COL5A2: variants seen among roughly 807,000 people sequenced by gnomAD.
COL5A2 encodes collagen type V alpha 2 chain.
A neutral mutation model predicts 208.2 loss-of-function variants in COL5A2; 23 were observed. That is an observed-to-expected ratio of 0.11 (90% CI 0.08 to 0.16). COL5A2 has a LOEUF of 0.16. COL5A2 is among the 10% of genes least tolerant of loss of function. The pLI is 1.00. For synonymous variants in COL5A2, 625 were observed against 628.5 expected, an observed-to-expected ratio of 0.99 and a Z score of 0.08; for missense variants, 1,590 against 1,956.4, an observed-to-expected ratio of 0.81 and a Z score of 3.53.
In COL5A2 at chr2:189,088,754, C is replaced by A. The variant is rs142855115; in HGVS notation, c.586G>T (p.Ala196Ser). 2 of 1,613,856 alleles carry A rather than the reference C, an allele frequency of 1.2e-6. No homozygotes were observed. Among genetic ancestry groups the A allele is most frequent in the African/African-American group, 2.7e-5 (2 of 74,912 alleles). Residue 196 changes from alanine to serine, a missense_variant, in exon 8 of 54, where the codon GCT becomes TCT. Transcript: ENST00000374866. ...GLSRPFSAQM[A>S]GLDEKSGLGS... The stretch of plus-strand genomic sequence containing the variant: ...AGTCCAGATTTTTCATCCAACCCAG[C>A]CATTTGAGCTGAAAACGGCTGTAAA...
intron 1 of COL5A2, among the ~76,000 whole-genome samples, chr2:189,185,867 T>G (rs768720340): frequency 2.6e-5 from 4 of 152,128 alleles, no homozygotes; most frequent in Non-Finnish European, 5.9e-5. Flanking sequence ...GATTCCAAGG[T>G]GTCAATCCCG....
At chr2:189,305,236 C>T in the COL5A2 span, among the ~76,000 whole-genome samples, 5,623 of 152,300 alleles carry the variant, frequency 0.037, 119 homozygotes, top group Admixed American at 0.05. Flanking sequence ...GTAGGAAATG[C>T]GTGGGCCCAA....
chr2:189,100,053 T>C (rs1378258939), intron 4 of COL5A2, 54 bp downstream of exon 4: 1 of 1,421,504 alleles, frequency 7.0e-7, no homozygotes, highest in African/African-American at 1.4e-5. Context: ...ACAATTATAC[T>C]ATAAGCTAAG....
rs777299355 is a variant in COL5A2 at position 189,052,162 on chromosome 2, G to A, written c.2769+10C>T. ...CATTATCAGTGACTTGTCTCACTAA[G>A]TTGACTTACAGCAGGGCCTGGAGGT... On this transcript the variant is annotated intron_variant, in intron 41 of 53. Coordinates refer to ENST00000374866, the MANE Select transcript of COL5A2 (RefSeq NM_000393.5). The A allele has an allele frequency of 1.9e-6, 3 of 1,612,686 alleles. No homozygotes were observed. Among genetic ancestry groups the A allele is most frequent in the South Asian group, 2.2e-5 (2 of 91,000 alleles).
chr2:189,215,610 A>G (rs1430084498), intron 1 of COL5A2, among the ~76,000 whole-genome samples: 1 of 152,054 alleles, frequency 6.6e-6, no homozygotes, highest in African/African-American at 2.4e-5. Context: ...TGCATTTGAT[A>G]TCTCACATTA....
At chr2:189,381,179 A>T in the COL5A2 span, among the ~76,000 whole-genome samples, 1 of 152,102 alleles carries the variant, frequency 6.6e-6, no homozygotes, top group South Asian at 2.1e-4. Context: ...AGCAGAAATC[A>T]GTCAATAGGG....
the COL5A2 span, among the ~76,000 whole-genome samples, chr2:189,254,652 C>T: frequency 6.6e-6 from 1 of 152,186 alleles, no homozygotes; most frequent in South Asian, 2.1e-4. Context: ...TGACTGCAGC[C>T]ACTCCAGGCC....
intron 7 of COL5A2, 100 bp downstream of exon 7, chr2:189,092,210 A>G (rs1287810870): frequency 2.5e-6 from 2 of 789,730 alleles, no homozygotes; most frequent in East Asian, 5.3e-5. Flanking sequence ...TCTTACAGTC[A>G]AGTGTCAATA....
upstream of COL5A2, among the ~76,000 whole-genome samples, chr2:189,184,229 T>C (rs1445347278): frequency 3.3e-5 from 5 of 151,578 alleles, no homozygotes; most frequent in Non-Finnish European, 2.9e-5. Context: ...TTGGGAAAGA[T>C]GGCATTTTAA....
chr2:189,068,958 T>C, intron 18 of COL5A2, 74 bp from the exon 19 acceptor site: 1 of 1,092,344 alleles, frequency 9.2e-7, no homozygotes, highest in Admixed American at 1.9e-5. Flanking sequence ...GACCGCTTAT[T>C]TGGAATTTTA....
intron 17 of COL5A2, among the ~76,000 whole-genome samples, chr2:189,074,451 A>G (rs937906359): frequency 6.6e-6 from 1 of 152,110 alleles, no homozygotes; most frequent in Non-Finnish European, 1.5e-5. Flanking sequence ...CAATGTACAA[A>G]ATATTGGTAC....
At chr2:189,155,916 C>A (rs1232337344) in intron 1 of COL5A2, among the ~76,000 whole-genome samples, 3 of 152,140 alleles carry the variant, frequency 2.0e-5, no homozygotes, top group African/African-American at 7.2e-5. Flanking sequence ...AGGCCAACTA[C>A]ATTCCTTTAC....
intron 3 of COL5A2, among the ~76,000 whole-genome samples, chr2:189,102,865 C>A (rs897686241): frequency 6.6e-6 from 1 of 151,972 alleles, no homozygotes. Context: ...TCTGATGATA[C>A]CTGATGACAA....
chr2:189,061,755 A>G (rs932619993), intron 29 of COL5A2, 140 bp from the exon 30 acceptor site: 1 of 687,694 alleles, frequency 1.5e-6, no homozygotes, highest in African/African-American at 1.8e-5. Flanking sequence ...GTAATAAACT[A>G]GTATTAATAG....
chr2:189,409,202 CTCTTTTTTTTTTTTT>C, the COL5A2 span, among the ~76,000 whole-genome samples: 1 of 89,782 alleles, frequency 1.1e-5, no homozygotes. Context: ...TATAAATTTA[CTCTTTTTTTTTTTTT>C]TTTTTTTTTT....
At chr2:189,374,932 T>C in the COL5A2 span, among the ~76,000 whole-genome samples, 3,851 of 152,178 alleles carry the variant, frequency 0.025, 177 homozygotes, top group African/African-American at 0.088. Context: ...ACAGGAAATA[T>C]GACCATATAG....
the COL5A2 span, among the ~76,000 whole-genome samples, chr2:189,321,947 T>C: frequency 2.7e-3 from 415 of 152,244 alleles, no homozygotes; most frequent in African/African-American, 9.4e-3. Context: ...CCTCAGCAAA[T>C]GTAAAAGAAC....
intron 25 of COL5A2, 93 bp from the exon 26 acceptor site, chr2:189,064,126 TGAATA>T: frequency 6.4e-6 from 6 of 943,038 alleles, no homozygotes; most frequent in Non-Finnish European, 1.0e-5. Flanking sequence ...TTTTGTCAAC[TGAATA>T]GAATGACATT....
At chr2:189,299,064 T>C in the COL5A2 span, among the ~76,000 whole-genome samples, 2 of 152,198 alleles carry the variant, frequency 1.3e-5, no homozygotes, top group Non-Finnish European at 2.9e-5. Context: ...TCTACTATTT[T>C]CTAAAGTTGT....
Sources: allele counts gnomAD v4.1 joint callset (sites outside exome capture counted in the v4.1 genomes callset), GRCh38; gene constraint gnomAD v4.1.1; transcripts MANE v1.5; gene names NCBI Gene and HGNC (gene_info 2026-07-23, HGNC 2026-07-21).